Variants in CPSF4L observed in about 807,000 individuals in gnomAD.
CPSF4L encodes the protein putative cleavage and polyadenylation specificity factor subunit 4-like protein.
In CPSF4L, 18 loss-of-function variants were observed where a neutral mutation model predicts 24.0. The observed-to-expected ratio is 0.75, with a 90% CI of 0.52 to 1.11. CPSF4L has a LOEUF of 1.11. Among genes scored for constraint, CPSF4L ranks in the 50% least tolerant of loss-of-function variants. The pLI is 0.00. For missense variants in CPSF4L, 211 were observed against 221.8 expected, an observed-to-expected ratio of 0.95 and a Z score of 0.31; for synonymous variants, 72 against 77.2, an observed-to-expected ratio of 0.93 and a Z score of 0.35.
At chr17:73,242,258 C>T in the CPSF4L span, 159 of 1,586,332 alleles carry the variant, frequency 1.0e-4, no homozygotes, top group Non-Finnish European at 1.3e-4. Context: ...TTTGTTGGAA[C>T]GAAGCTCAAC....
chr17:73,260,108 G>C (rs559945808), intron 2 of CPSF4L, among the ~76,000 whole-genome samples: 2 of 152,146 alleles, frequency 1.3e-5, no homozygotes, highest in Non-Finnish European at 2.9e-5. Flanking sequence ...GATGCTTTTT[G>C]ATAGCATTTC....
At chr17:73,263,687 T>G, upstream of CPSF4L, among the ~76,000 whole-genome samples, 1 of 147,252 alleles carries the variant, frequency 6.8e-6, no homozygotes, top group Non-Finnish European at 1.5e-5. Context: ...TGGGGGGAAG[T>G]GATCGTGAAG....
intron 4 of CPSF4L, among the ~76,000 whole-genome samples, chr17:73,253,507 G>A (rs907641267): frequency 1.3e-5 from 2 of 152,222 alleles, no homozygotes; most frequent in Admixed American, 6.5e-5. Flanking sequence ...CCCTGCTGGG[G>A]TAAGCTGCCT....
upstream of CPSF4L, among the ~76,000 whole-genome samples, chr17:73,263,358 G>A (rs1351530726): frequency 1.3e-5 from 2 of 152,076 alleles, no homozygotes; most frequent in Non-Finnish European, 2.9e-5. Context: ...CTAGGGCCAC[G>A]TCCCTATCCT....
chr17:73,248,690 A>G (rs1418116269), intron 5 of CPSF4L, 154 bp from the exon 6 acceptor site: 1 of 764,676 alleles, frequency 1.3e-6, no homozygotes, highest in East Asian at 2.7e-5. Flanking sequence ...AGTTGGGAAT[A>G]TTCACGGACA....
chr17:73,246,193 A>C (rs2061948160), downstream of CPSF4L, among the ~76,000 whole-genome samples: 1 of 152,188 alleles, frequency 6.6e-6, no homozygotes, highest in South Asian at 2.1e-4. Context: ...TGGTGTCCTC[A>C]TGCCAAAATA....
chr17:73,262,679 C>A (rs2062051910), upstream of CPSF4L, among the ~76,000 whole-genome samples: 1 of 152,238 alleles, frequency 6.6e-6, no homozygotes, highest in South Asian at 2.1e-4. Flanking sequence ...CATGTTAGGG[C>A]TCTAATTAGA....
chr17:73,250,091 C>G (rs112790822), intron 5 of CPSF4L: 42,095 of 583,808 alleles, frequency 0.072, 1,736 homozygotes, highest in South Asian at 0.1. Context: ...CGTTCACTTA[C>G]AGGATCAAAA....
rs147773072 is a variant in CPSF4L at position 73,249,195 on chromosome 17, T to C, written c.498-659A>G. On this transcript the variant is annotated intron_variant, in intron 5 of 5. Transcript: ENST00000344935. ...CAGCTGTTCTAAAGCCTGTAGTATG[T>C]GCCATCATACTATATATAAATTCCA... Among the ~76,000 whole-genome samples the C allele has an allele frequency of 6.6e-3, 1,003 of 152,310 alleles. 18 individuals are homozygous for C. The highest frequency in any genetic ancestry group is 0.023 in the African/African-American group (953 of 41,556).
At chr17:73,242,690 C>G in the CPSF4L span, among the ~76,000 whole-genome samples, 3 of 152,176 alleles carry the variant, frequency 2.0e-5, no homozygotes, top group Non-Finnish European at 4.4e-5. Flanking sequence ...AAGATTTTAA[C>G]CAAGCACCCA....
chr17:73,257,860 G>A, intron 2 of CPSF4L, 27 bp from the exon 3 acceptor site: 3 of 1,550,108 alleles, frequency 1.9e-6, no homozygotes, highest in Non-Finnish European at 1.7e-6. Flanking sequence ...ACCTGGCTGG[G>A]AGGCCCCTCA....
At chr17:73,258,154 CGCCA>C (rs2062030809) in intron 2 of CPSF4L, among the ~76,000 whole-genome samples, 1 of 151,946 alleles carries the variant, frequency 6.6e-6, no homozygotes, top group South Asian at 2.1e-4. Flanking sequence ...GGACTACAGG[CGCCA>C]GCCACCACGC....
chr17:73,260,165 C>A (rs2062039819), intron 2 of CPSF4L, among the ~76,000 whole-genome samples: 1 of 152,030 alleles, frequency 6.6e-6, no homozygotes, highest in Non-Finnish European at 1.5e-5. Flanking sequence ...ATGGATGAGA[C>A]AATTGACCAG....
downstream of CPSF4L, chr17:73,247,381 C>T (rs1220227357): frequency 6.3e-7 from 1 of 1,598,846 alleles, no homozygotes; most frequent in Non-Finnish European, 8.6e-7. Context: ...TGACTTCTCT[C>T]TAGTGCCTTC....
intron 2 of CPSF4L, among the ~76,000 whole-genome samples, chr17:73,260,682 G>A (rs1022247139): frequency 2.0e-5 from 3 of 152,122 alleles, no homozygotes; most frequent in African/African-American, 7.2e-5. Flanking sequence ...AAGGAGAATC[G>A]CTTGAACCCA....
upstream of CPSF4L, among the ~76,000 whole-genome samples, chr17:73,263,593 C>CG (rs1351642866): frequency 6.7e-6 from 1 of 149,244 alleles, no homozygotes; most frequent in African/African-American, 2.5e-5. Flanking sequence ...TTGGCAGAAG[C>CG]GGGGGTAAAG....
Position 73,261,724 on chromosome 17 carries a change from C to G in CPSF4L, c.95G>C (p.Gly32Ala). The change falls in exon 1 of 6, where the codon GGC (glycine) becomes GCC (alanine). Residue 32 changes from glycine (G) to alanine (A), a missense_variant. Gly to Ala is a moderately conservative substitution (Grantham distance 60, BLOSUM62 0). Transcript: ENST00000344935. ...GCCCCACCCTCACTCACTGTCCATG[C>G]CCTGGAAAGGCAGGAGCCCAGTGCC... ...QKGTGLLPFQ[G>A]MDKSASAVCN... 6.5e-7 allele frequency: 1 copy of G among 1,549,740 alleles called. No individual in the cohort carries two copies. The highest frequency in any genetic ancestry group is 8.7e-7 in the Non-Finnish European group (1 of 1,145,216).
At chr17:73,253,630 C>T (rs541850027) in intron 4 of CPSF4L, among the ~76,000 whole-genome samples, 10 of 152,240 alleles carry the variant, frequency 6.6e-5, no homozygotes, top group Non-Finnish European at 1.3e-4. Context: ...TAAGCGTCTC[C>T]TATGGGCCTG....
the CPSF4L span, chr17:73,243,075 GAATTTTTT>G: frequency 1.3e-4 from 127 of 1,015,156 alleles, 5 homozygotes; most frequent in Non-Finnish European, 1.6e-4. Context: ...GGGATTCTCT[GAATTTTTT>G]TTTTTTTTTT....
Sources: gnomAD v4.1 joint callset for allele counts (sites outside exome capture counted in the v4.1 genomes callset) on GRCh38, gnomAD v4.1.1 for gene constraint, MANE v1.5 for transcripts, NCBI Gene and HGNC (gene_info 2026-07-23, HGNC 2026-07-21) for gene names.